Variants in COL6A5 observed in about 807,000 individuals in gnomAD.
COL6A5 encodes collagen alpha-5(VI) chain.
COL6A5 carries 48 observed loss-of-function variants against 65.6 expected under a neutral mutation model. The observed-to-expected ratio is 0.73, with a 90% CI of 0.58 to 0.93. COL6A5 has a LOEUF of 0.93. Ranked by LOEUF, COL6A5 falls within the 40% of genes least tolerant of loss-of-function variation. The probability of loss-of-function intolerance (pLI) is 0.00; values close to 1 mark genes in which losing one functional copy is unlikely to be tolerated. For missense variants in COL6A5, 914 were observed against 928.3 expected (o/e 0.98, Z 0.20); for synonymous variants, 291 against 322.8 (o/e 0.90, Z 1.05).
Position 130,376,153 on chromosome 3 carries a change from C to T in COL6A5, c.68-84C>T, listed in dbSNP as rs76578069. ...GATTCTGATATACACTTAACACCAGCACATAGTCTTAAATAAGTATTGTGG... is the reference window on the plus strand; with the variant it reads ...GATTCTGATATACACTTAACACCAGTACATAGTCTTAAATAAGTATTGTGG... On this transcript the variant is annotated intron_variant and NMD_transcript_variant, in intron 2 of 41. Transcript: ENST00000312481. 2.3e-3 allele frequency: 3,081 copies of T among 1,356,082 alleles called. 53 individuals carry two copies. The African/African-American group carries it at 0.041, about 18-fold the overall frequency. The allele number at this position is 1,356,082 out of a possible 1,614,324, so 84.0% of individuals were successfully genotyped here.
At chr3:130,416,047 C>T (rs887314097) in intron 23 of COL6A5, among the ~76,000 whole-genome samples, 1 of 152,108 alleles carries the variant, frequency 6.6e-6, no homozygotes. Flanking sequence ...ACATGCCATG[C>T]ACCTATGTCT....
At chr3:130,352,892 G>A (rs1461328298) in intron 1 of COL6A5, among the ~76,000 whole-genome samples, 1 of 152,180 alleles carries the variant, frequency 6.6e-6, no homozygotes, top group African/African-American at 2.4e-5. Context: ...TACTAGCTTT[G>A]TGAATTTGGG....
intron 1 of COL6A5, among the ~76,000 whole-genome samples, chr3:130,367,144 T>C (rs530833446): frequency 6.6e-6 from 1 of 152,278 alleles, no homozygotes; most frequent in East Asian, 1.9e-4. Context: ...TTCTGATAGG[T>C]CTTATTTGTT....
chr3:130,452,054 G>A (rs1206975274), intron 4 of COL6A5, among the ~76,000 whole-genome samples: 1 of 152,140 alleles, frequency 6.6e-6, no homozygotes, highest in Non-Finnish European at 1.5e-5. Flanking sequence ...TGAATAGAGT[G>A]ACCGTATTTT....
intron 10 of COL6A5, among the ~76,000 whole-genome samples, chr3:130,398,950 G>A (rs566074635): frequency 5.3e-5 from 8 of 152,294 alleles, no homozygotes; most frequent in Admixed American, 3.3e-4. Flanking sequence ...GAACCTGACC[G>A]AAGACAGCTC....
At chr3:130,369,277 T>A (rs1935464704) in intron 1 of COL6A5, among the ~76,000 whole-genome samples, 1 of 152,200 alleles carries the variant, frequency 6.6e-6, no homozygotes, top group South Asian at 2.1e-4. Context: ...ATGCTATACT[T>A]TGCCATTACT....
intron 4 of COL6A5, among the ~76,000 whole-genome samples, chr3:130,382,114 A>G (rs1936016454): frequency 6.6e-6 from 1 of 152,088 alleles, no homozygotes; most frequent in Admixed American, 6.6e-5. Flanking sequence ...CAGGAAGGAA[A>G]GGACAATAAG....
exon 1 of COL6A5, chr3:130,431,736 C>T: frequency 6.4e-7 from 1 of 1,551,560 alleles, no homozygotes; most frequent in African/African-American, 1.4e-5. Context: ...CCACAGAGCC[C>T]CGAGATGTTG....
chr3:130,407,299 T>G (rs920704135), intron 17 of COL6A5, among the ~76,000 whole-genome samples: 19 of 152,036 alleles, frequency 1.2e-4, no homozygotes, highest in Non-Finnish European at 2.4e-4. Context: ...TGGGAAGAGA[T>G]CAAGAGATTG....
chr3:130,381,085 T>C (rs747094030), intron 4 of COL6A5, among the ~76,000 whole-genome samples: 2 of 152,142 alleles, frequency 1.3e-5, no homozygotes, highest in African/African-American at 4.8e-5. Context: ...AAGAGTTATA[T>C]GTGCCATTTC....
chr3:130,410,432 T>C, intron 19 of COL6A5, 39 bp from the exon 20 acceptor site: 1 of 1,478,688 alleles, frequency 6.8e-7, no homozygotes, highest in Non-Finnish European at 9.2e-7. Flanking sequence ...TATTCAGAAT[T>C]TTTTCCTTTT....
chr3:130,399,877 C>T (rs140960148), intron 10 of COL6A5, among the ~76,000 whole-genome samples: 6,740 of 152,088 alleles, frequency 0.044, 222 homozygotes, highest in Non-Finnish European at 0.066. Flanking sequence ...CTCAGCCTCC[C>T]GAGTAGCTGG....
intron 29 of COL6A5, among the ~76,000 whole-genome samples, chr3:130,425,508 C>T (rs1345422281): frequency 2.0e-5 from 3 of 151,998 alleles, no homozygotes; most frequent in Non-Finnish European, 4.4e-5. Flanking sequence ...CAAGGAGAAG[C>T]CTGATCCTAA....
Position 130,432,013 on chromosome 3 carries a change from G to A in COL6A5, c.487+64G>A, listed in dbSNP as rs1937839553. ...AGAGGTAGGTATTGTGATAGGGCAG[G>A]ATGGGAGTGGTAGAGAGTCAAGAAA... On this transcript the variant is annotated intron_variant, in intron 1 of 7. Coordinates refer to ENST00000512836, the Ensembl canonical transcript of COL6A5. 3 of 1,487,544 alleles carry A rather than the reference G, an allele frequency of 2.0e-6. No individual in the cohort carries two copies. The South Asian group carries it at 3.9e-5, about 20-fold the overall frequency. The allele number at this position is 1,487,544 out of a possible 1,614,324, so 92.1% of individuals were successfully genotyped here.
At chr3:130,418,435 T>C (rs936475298) in intron 24 of COL6A5, among the ~76,000 whole-genome samples, 5 of 152,120 alleles carry the variant, frequency 3.3e-5, no homozygotes, top group Admixed American at 6.6e-5. Flanking sequence ...ACTCCCCTTC[T>C]GTTTGCTTCC....
chr3:130,359,447 T>C (rs1227206884), intron 1 of COL6A5, among the ~76,000 whole-genome samples: 1 of 152,104 alleles, frequency 6.6e-6, no homozygotes, highest in Non-Finnish European at 1.5e-5. Context: ...AAAAATTGTT[T>C]ATTTTTTTCT....
chr3:130,445,675 G>A (rs778234163), intron 4 of COL6A5, among the ~76,000 whole-genome samples: 102 of 152,206 alleles, frequency 6.7e-4, no homozygotes, highest in African/African-American at 1.7e-3. Context: ...CCTGGTGCGG[G>A]GGGGATAATG....
In COL6A5 at chr3:130,376,672, G is replaced by C. The variant is rs550542345; in HGVS notation, c.503G>C (p.Gly168Ala). The change falls in exon 3 of 42, where the codon GGG becomes GCG. Residue 168 changes from glycine (G) to alanine (A), a missense_variant and NMD_transcript_variant. Coordinates refer to the COL6A5 transcript ENST00000312481. ...GACGGGGTGAAAATTATCTCCGTGG[G>C]GGTGCAGAAAGCTTCTGAGGAAAAT... 8.1e-6 allele frequency: 13 copies of C among 1,613,496 alleles called. No individual in the cohort carries two copies. The African/African-American group carries it at 1.7e-4, about 22-fold the overall frequency.
Position 130,435,622 on chromosome 3 carries a change from T to G in COL6A5, c.487+3673T>G, listed in dbSNP as rs149598238. The stretch of plus-strand genomic sequence containing the variant: ...CTCTCTTAATTCCTTGAGCAGTGGT[T>G]TGTAGTTCTCCTTGAAGATGTCCTT... On this transcript the variant is annotated intron_variant, in intron 1 of 7. Transcript: ENST00000512836. Among the ~76,000 whole-genome samples the G allele has an allele frequency of 1.0e-3, 154 of 152,284 alleles. 2 individuals carry two copies. The highest frequency in any genetic ancestry group is 3.6e-3 in the African/African-American group (148 of 41,562).
Sources: gnomAD v4.1 joint callset for allele counts (sites outside exome capture counted in the v4.1 genomes callset) on GRCh38, gnomAD v4.1.1 for gene constraint, MANE v1.5 for transcripts, NCBI Gene and HGNC (gene_info 2026-07-23, HGNC 2026-07-21) for gene names.